AHCTF1: variants seen among roughly 807,000 people sequenced by gnomAD.
AHCTF1 encodes protein ELYS.
Under a neutral mutation model 248.4 loss-of-function variants are expected in AHCTF1, and 24 were observed. That is an observed-to-expected ratio of 0.10 (90% confidence interval 0.07 to 0.14). The LOEUF is 0.14. Among genes scored for constraint, AHCTF1 ranks in the 10% least tolerant of loss-of-function variants. The pLI, the probability that AHCTF1 is intolerant of heterozygous loss-of-function variation, is 1.00. For missense variants in AHCTF1, 2,206 were observed against 2,636.2 expected (o/e 0.84, Z 3.57); for synonymous variants, 786 against 929.8 (o/e 0.85, Z 2.81).
chr1:246,916,310 T>A lies in AHCTF1; in HGVS notation c.207A>T (p.Arg69Ser), dbSNP rs756303119. The A allele has an allele frequency of 1.9e-6, 3 of 1,609,904 alleles. No homozygotes were observed. Among genetic ancestry groups the A allele is most frequent in the East Asian group, 2.2e-5 (1 of 44,842 alleles). The change falls in exon 3 of 36, where the codon AGA (arginine) becomes AGT (serine). Residue 69 changes from arginine to serine, a missense_variant. Transcript: ENST00000648844. ...SITGERLSAY[R>S]FSGVNEQPPV... ...GAGGCTGTTCATTGACTCCACTGAA[T>A]CTGTAAGCAGACAATCGCTCTCCTG...
At chr1:246,866,555 T>G (rs1349856719) in intron 26 of AHCTF1, among the ~76,000 whole-genome samples, 1 of 152,158 alleles carries the variant, frequency 6.6e-6, no homozygotes, top group African/African-American at 2.4e-5. Context: ...CTCAAGTATC[T>G]TTTTCTTAGC....
chr1:246,921,983 A>C (rs1399738640), intron 1 of AHCTF1, among the ~76,000 whole-genome samples: 1 of 152,242 alleles, frequency 6.6e-6, no homozygotes. Context: ...TGGAGTTTAA[A>C]TAAACCATAC....
intron 4 of AHCTF1, among the ~76,000 whole-genome samples, chr1:246,908,445 T>G (rs960792785): frequency 6.6e-6 from 1 of 152,038 alleles, no homozygotes; most frequent in African/African-American, 2.4e-5. Context: ...AATTAGTACT[T>G]AAGAAACACT....
chr1:246,848,064 G>A (rs896142933), intron 33 of AHCTF1, among the ~76,000 whole-genome samples: 1 of 152,110 alleles, frequency 6.6e-6, no homozygotes, highest in Non-Finnish European at 1.5e-5. Flanking sequence ...AAGAAATTAA[G>A]TTATACTACC....
At chr1:246,904,632 C>T (rs1212497200) in intron 6 of AHCTF1, among the ~76,000 whole-genome samples, 3 of 151,976 alleles carry the variant, frequency 2.0e-5, no homozygotes, top group Non-Finnish European at 4.4e-5. Flanking sequence ...TGGATGTTGC[C>T]CTCGACCATG....
At chr1:246,846,463 A>T (rs1660267316) in intron 33 of AHCTF1, among the ~76,000 whole-genome samples, 1 of 152,060 alleles carries the variant, frequency 6.6e-6, no homozygotes, top group East Asian at 1.9e-4. Context: ...CATTCATTCT[A>T]GGAGGAGGAA....
At chr1:246,916,648 C>A (rs927834949) in intron 2 of AHCTF1, among the ~76,000 whole-genome samples, 19 of 152,254 alleles carry the variant, frequency 1.2e-4, no homozygotes, top group African/African-American at 4.6e-4. Context: ...AGCAAGACTT[C>A]ATCTCAAATA....
In AHCTF1 at chr1:246,931,821, G is replaced by C. The variant is rs535484767; in HGVS notation, c.-251C>G. On this transcript the variant is annotated 5_prime_UTR_variant, in exon 1 of 36. Transcript: ENST00000648844. ...TGCCTTCGCGGGCTGTAGGCCTGCA[G>C]ACCGCTCAGCGGCTAAAACGCAGTC... 6.6e-6 allele frequency: 1 copy of C among 152,338 alleles called. No individual in the cohort carries two copies. The highest frequency in any genetic ancestry group is 1.5e-5 in the Non-Finnish European group (1 of 68,202). 9.4% of individuals were successfully genotyped at this position (152,338 alleles called of 1,614,324 possible). A position where few individuals can be genotyped will look rare whatever the true frequency, so the allele number is the denominator to read the frequency against.
intron 14 of AHCTF1, among the ~76,000 whole-genome samples, chr1:246,893,824 A>C (rs1664380964): frequency 6.6e-6 from 1 of 152,208 alleles, no homozygotes; most frequent in South Asian, 2.1e-4. Context: ...CCTAAGACCA[A>C]AAGACAAGTT....
chr1:246,892,121 G>A (rs1664246536), intron 14 of AHCTF1, among the ~76,000 whole-genome samples: 1 of 152,002 alleles, frequency 6.6e-6, no homozygotes, highest in Non-Finnish European at 1.5e-5. Flanking sequence ...AGCCAAGAGT[G>A]AGACTATGAA....
intron 31 of AHCTF1, among the ~76,000 whole-genome samples, chr1:246,854,606 G>A (rs1292242306): frequency 2.6e-4 from 40 of 152,160 alleles, no homozygotes; most frequent in Admixed American, 2.6e-3. Context: ...TTTTGATAAT[G>A]ATCATTTCTA....
chr1:246,851,140 A>C lies in AHCTF1; in HGVS notation c.4866T>G (p.Thr1622=). 6.2e-7 allele frequency: 1 copy of C among 1,613,946 alleles called. No individual in the cohort carries two copies. The highest frequency in any genetic ancestry group is 8.5e-7 in the Non-Finnish European group (1 of 1,179,862). ...CCCCACTGCATACAAGTTTTTCTTC[A>C]GTTGCTGTGTTAGCTGCTTTAGGTA... The part of the protein sequence containing the change: ...DVLPKAANTA[T]EEKLVCSGEN... The change falls in exon 33 of 36, where the codon ACT becomes ACG. Residue 1622 remains threonine, a synonymous_variant. Transcript: ENST00000648844.
chr1:246,842,795 A>C lies in AHCTF1; in HGVS notation c.6526-19T>G. The C allele has an allele frequency of 6.2e-7, 1 of 1,600,692 alleles. No homozygotes were observed. The highest frequency in any genetic ancestry group is 8.6e-7 in the Non-Finnish European group (1 of 1,168,634). On this transcript the variant is annotated intron_variant, in intron 34 of 35. Transcript: ENST00000648844. ...CATCTTTCTATGGGTTAAACATTTT[A>C]AAAGGTTAAGTATTAAACACGAATC...
At chr1:246,865,580 A>T (rs1299263425) in intron 26 of AHCTF1, among the ~76,000 whole-genome samples, 6 of 152,140 alleles carry the variant, frequency 3.9e-5, no homozygotes, top group Non-Finnish European at 8.8e-5. Flanking sequence ...CAGTTTGCTC[A>T]CTTTTATACT....
chr1:246,912,473 C>T (rs1412590455), intron 4 of AHCTF1, among the ~76,000 whole-genome samples: 2 of 150,036 alleles, frequency 1.3e-5, no homozygotes, highest in Admixed American at 6.6e-5. Context: ...CAGAGCGAGA[C>T]GCCGTCTCCA....
intron 1 of AHCTF1, among the ~76,000 whole-genome samples, chr1:246,919,574 A>C (rs1427487335): frequency 6.6e-6 from 1 of 151,966 alleles, no homozygotes; most frequent in East Asian, 1.9e-4. Context: ...TTAGCCAGGC[A>C]TGGTGGCACA....
chr1:246,877,999 T>A (rs1426043450), intron 21 of AHCTF1, among the ~76,000 whole-genome samples: 1 of 151,914 alleles, frequency 6.6e-6, no homozygotes, highest in Non-Finnish European at 1.5e-5. Flanking sequence ...CTTGAGCATA[T>A]CTATAAAAAT....
At chr1:246,881,104 A>AC (rs1450941269) in intron 21 of AHCTF1, among the ~76,000 whole-genome samples, 1 of 152,206 alleles carries the variant, frequency 6.6e-6, no homozygotes, top group Non-Finnish European at 1.5e-5. Context: ...TAAACAACCA[A>AC]CCACTGATTT....
intron 1 of AHCTF1, among the ~76,000 whole-genome samples, chr1:246,918,684 C>T (rs1045268636): frequency 6.6e-6 from 1 of 152,224 alleles, no homozygotes; most frequent in Non-Finnish European, 1.5e-5. Context: ...AAATGACATG[C>T]ATCTGGGACC....
Sources: gnomAD v4.1 joint callset for allele counts (sites outside exome capture counted in the v4.1 genomes callset) on GRCh38, gnomAD v4.1.1 for gene constraint, MANE v1.5 for transcripts, NCBI Gene and HGNC (gene_info 2026-07-23, HGNC 2026-07-21) for gene names.